The following KCNIP3 variants were observed in gnomAD, a reference collection of about 807,000 sequenced individuals.
The protein encoded by KCNIP3 is calsenilin.
A neutral mutation model predicts 35.0 loss-of-function variants in KCNIP3; 28 were observed. The observed-to-expected ratio is 0.80, with a 90% CI of 0.59 to 1.10. KCNIP3 has a LOEUF of 1.10. KCNIP3 is among the 50% of genes least tolerant of loss of function. KCNIP3 has a pLI of 0.00. For synonymous variants in KCNIP3, 134 were observed against 133.8 expected (o/e 1.00, Z -0.01); for missense variants, 295 against 338.4 (o/e 0.87, Z 1.01).
At chr2:95,325,845 A>G (rs530605500) in intron 2 of KCNIP3, among the ~76,000 whole-genome samples, 6 of 60,032 alleles carry the variant, frequency 1.0e-4, no homozygotes, top group Non-Finnish European at 1.3e-4. Flanking sequence ...ACACACTCAT[A>G]CACACATACA....
intron 1 of KCNIP3, among the ~76,000 whole-genome samples, chr2:95,304,214 G>A (rs745380807): frequency 2.0e-5 from 3 of 152,126 alleles, no homozygotes; most frequent in Non-Finnish European, 2.9e-5. Flanking sequence ...CTGTGCTATT[G>A]TTTCTTATTA....
At chr2:95,359,116 T>C (rs1679728810) in intron 2 of KCNIP3, among the ~76,000 whole-genome samples, 1 of 152,136 alleles carries the variant, frequency 6.6e-6, no homozygotes, top group Non-Finnish European at 1.5e-5. Flanking sequence ...TTCATGTCCT[T>C]CTCACATACA....
Position 95,378,776 on chromosome 2 carries a change from A to C in KCNIP3, c.448-2820A>C, listed in dbSNP as rs1205277948. On this transcript the variant is annotated intron_variant, in intron 5 of 8. Coordinates refer to ENST00000295225, the MANE Select transcript of KCNIP3 (RefSeq NM_013434.5). The surrounding 1 kb of genome is among the most constrained non-coding windows in gnomAD (Gnocchi z 4.0). ...AAAAACAAAAACAAAATATATATAT[A>C]TATACACACACACACACACATATAT... Among the ~76,000 whole-genome samples, 1 of 150,966 alleles carries C rather than the reference A, an allele frequency of 6.6e-6. No homozygotes were observed. Among genetic ancestry groups the C allele is most frequent in the African/African-American group, 2.4e-5 (1 of 40,926 alleles).
At chr2:95,320,064 C>T (rs1392218842) in intron 2 of KCNIP3, among the ~76,000 whole-genome samples, 1 of 152,202 alleles carries the variant, frequency 6.6e-6, no homozygotes, top group Non-Finnish European at 1.5e-5. Flanking sequence ...TTCTGGGATT[C>T]TCAGCCAGCC....
chr2:95,368,513 C>A, intron 2 of KCNIP3: 1 of 267,184 alleles, frequency 3.7e-6, no homozygotes. Context: ...ACCTGTTCCT[C>A]AATAACCTAT....
intron 2 of KCNIP3, among the ~76,000 whole-genome samples, chr2:95,351,143 C>G (rs1423863036): frequency 6.6e-6 from 1 of 152,230 alleles, no homozygotes; most frequent in African/African-American, 2.4e-5. Context: ...TTCCCCAGCT[C>G]CAGGTGCTAG....
intron 2 of KCNIP3, among the ~76,000 whole-genome samples, chr2:95,366,330 G>A (rs1679917065): frequency 6.6e-6 from 1 of 152,116 alleles, no homozygotes; most frequent in Non-Finnish European, 1.5e-5. Flanking sequence ...ACTCTTTCAC[G>A]TCATTGCATG....
chr2:95,333,420 A>AC (rs1309988713), intron 2 of KCNIP3, among the ~76,000 whole-genome samples: 1 of 152,198 alleles, frequency 6.6e-6, no homozygotes, highest in African/African-American at 2.4e-5. Context: ...CCATTCTACC[A>AC]CTACTGCTGC....
At chr2:95,370,863 C>A (rs992044926) in intron 2 of KCNIP3, among the ~76,000 whole-genome samples, 4 of 151,824 alleles carry the variant, frequency 2.6e-5, no homozygotes, top group Non-Finnish European at 5.9e-5. Context: ...TGGGCTCAAG[C>A]GATTCTCATG....
At chr2:95,339,669 G>T (rs1052731668) in intron 2 of KCNIP3, among the ~76,000 whole-genome samples, 16 of 152,116 alleles carry the variant, frequency 1.1e-4, no homozygotes, top group Non-Finnish European at 2.2e-4. Context: ...AGTAGCATCA[G>T]TCTTATCTCT....
intron 2 of KCNIP3, among the ~76,000 whole-genome samples, chr2:95,372,561 G>A (rs1680066463): frequency 6.6e-6 from 1 of 151,948 alleles, no homozygotes; most frequent in Non-Finnish European, 1.5e-5. Context: ...GACTTGGCTG[G>A]CACCGCTTGC....
chr2:95,299,642 C>T (rs113386341), intron 1 of KCNIP3, among the ~76,000 whole-genome samples: 3 of 152,252 alleles, frequency 2.0e-5, no homozygotes, highest in African/African-American at 7.2e-5. Flanking sequence ...GCAGTTTCTG[C>T]GACAGGCGCT....
intron 2 of KCNIP3, among the ~76,000 whole-genome samples, chr2:95,349,519 G>C (rs1273311126): frequency 5.3e-5 from 8 of 152,166 alleles, no homozygotes; most frequent in Admixed American, 5.2e-4. Context: ...CCTTTCCCTT[G>C]ATGACTTCAT....
chr2:95,320,215 T>TGAGGC (rs1678558784), intron 2 of KCNIP3, among the ~76,000 whole-genome samples: 1 of 152,168 alleles, frequency 6.6e-6, no homozygotes, highest in Admixed American at 6.5e-5. Flanking sequence ...GGAGGGAGCC[T>TGAGGC]GAGGCGCTGT....
At chr2:95,367,960 C>CCAA (rs1274884876) in intron 2 of KCNIP3, among the ~76,000 whole-genome samples, 2 of 152,164 alleles carry the variant, frequency 1.3e-5, no homozygotes, top group Non-Finnish European at 2.9e-5. Context: ...CAGGGTTTCG[C>CCAA]CATGTTGGCC....
rs953753548 is a variant in KCNIP3 at position 95,378,407 on chromosome 2, T to C, written c.448-3189T>C. Among the ~76,000 whole-genome samples, 2 of 151,952 alleles carry C rather than the reference T, an allele frequency of 1.3e-5. No homozygotes were observed. Among genetic ancestry groups the C allele is most frequent in the African/African-American group, 4.8e-5 (2 of 41,388 alleles). On this transcript the variant is annotated intron_variant, in intron 5 of 8. Transcript: ENST00000295225. The surrounding 1 kb of genome is among the most constrained non-coding windows in gnomAD (Gnocchi z 4.0). ...CCTCCCAAAGTGCTGGAATTGCAGG[T>C]GTGAGCCACCACACCTGGGTGTTGC...
At position 95,347,157 on chromosome 2, in the gene KCNIP3, G is replaced by A. The variant is rs760001696; in HGVS notation, c.182-27139G>A. 3.2e-6 allele frequency: 5 copies of A among 1,557,882 alleles called. No homozygotes were observed. In the East Asian group the frequency reaches 9.2e-5, roughly 29 times the overall value. ...GGCCACTTGCCCCTTCGCCGCCTCC[G>A]CCGCAGACCAGTGGTCTGGAGGGAG... On this transcript the variant is annotated intron_variant, in intron 2 of 8. Transcript: ENST00000295225.
intron 1 of KCNIP3, among the ~76,000 whole-genome samples, chr2:95,300,419 C>T (rs1677993398): frequency 6.6e-6 from 1 of 152,088 alleles, no homozygotes; most frequent in African/African-American, 2.4e-5. Context: ...CTCCCCAGCC[C>T]ACCCCTGGGC....
chr2:95,374,721 GGCCCCAGCAGT>G, intron 3 of KCNIP3, 116 bp from the exon 4 acceptor site: 1 of 1,138,612 alleles, frequency 8.8e-7, no homozygotes, highest in East Asian at 2.5e-5. Context: ...CAGGCCAGGG[GGCCCCAGCAGT>G]GCCACAGGCA....
Sources: allele counts gnomAD v4.1 joint callset (sites outside exome capture counted in the v4.1 genomes callset), GRCh38; gene constraint gnomAD v4.1.1; non-coding constraint Gnocchi (gnomAD v3.1); transcripts MANE v1.5; gene names NCBI Gene and HGNC (gene_info 2026-07-23, HGNC 2026-07-21).